The following TENM2 variants were observed in gnomAD, a reference collection of about 807,000 sequenced individuals.
TENM2 encodes the protein teneurin transmembrane protein 2.
Under a neutral mutation model 245.2 loss-of-function variants are expected in TENM2, and 52 were observed. That is an observed-to-expected ratio of 0.21 (90% CI 0.17 to 0.27). The LOEUF is 0.27. TENM2 is among the 10% of genes least tolerant of loss of function. TENM2 has a pLI of 1.00. For synonymous variants in TENM2, 1,363 were observed against 1,438.9 expected (o/e 0.95, Z 1.19); for missense variants, 3,046 against 3,666.8 (o/e 0.83, Z 4.37).
At chr5:167,579,854 G>A (rs886316319) in intron 2 of TENM2, among the ~76,000 whole-genome samples, 6 of 152,152 alleles carry the variant, frequency 3.9e-5, no homozygotes, top group African/African-American at 9.7e-5. Context: ...TCACGATCGC[G>A]TGTGCTGTAA....
intron 25 of TENM2, among the ~76,000 whole-genome samples, chr5:168,237,552 G>T (rs1160549033): frequency 6.6e-6 from 1 of 151,998 alleles, no homozygotes; most frequent in South Asian, 2.1e-4. Flanking sequence ...GTATGGTTTT[G>T]GTATGGCAAA....
intron 3 of TENM2, among the ~76,000 whole-genome samples, chr5:167,927,322 C>G (rs1274564899): frequency 1.3e-5 from 2 of 152,116 alleles, no homozygotes; most frequent in African/African-American, 4.8e-5. Context: ...ATACAAGGAG[C>G]CTTCTTCTTG....
chr5:168,243,896 G>A (rs140207162), intron 25 of TENM2, among the ~76,000 whole-genome samples: 1 of 149,114 alleles, frequency 6.7e-6, no homozygotes, highest in Non-Finnish European at 1.5e-5. Flanking sequence ...ATATTCTATT[G>A]CATATTGCAC....
At chr5:167,922,668 C>CCTCAGTCACTCTCT (rs1347518998) in intron 3 of TENM2, among the ~76,000 whole-genome samples, 1 of 152,216 alleles carries the variant, frequency 6.6e-6, no homozygotes. Flanking sequence ...TCCTGCTTCT[C>CCTCAGTCACTCTCT]CTCAGTCACT....
At chr5:167,355,047 A>G (rs1178123084) in intron 1 of TENM2, among the ~76,000 whole-genome samples, 1 of 152,184 alleles carries the variant, frequency 6.6e-6, no homozygotes, top group East Asian at 1.9e-4. Context: ...TTGTAATTGC[A>G]TATTTCTGTT....
At chr5:167,285,575 G>A (rs1177819214) in intron 1 of TENM2, among the ~76,000 whole-genome samples, 4 of 152,024 alleles carry the variant, frequency 2.6e-5, no homozygotes, top group Non-Finnish European at 5.9e-5. Flanking sequence ...TTTCTTTTGG[G>A]AGGAGAATAT....
At chr5:167,425,348 T>G (rs540137416) in intron 2 of TENM2, among the ~76,000 whole-genome samples, 4 of 152,152 alleles carry the variant, frequency 2.6e-5, no homozygotes, top group African/African-American at 4.8e-5. Context: ...ACAAGTATCT[T>G]GACCTTCTGG....
chr5:167,174,745 G>A, the TENM2 span, among the ~76,000 whole-genome samples: 2 of 151,956 alleles, frequency 1.3e-5, no homozygotes, highest in Non-Finnish European at 2.9e-5. Flanking sequence ...TCAACACGCT[G>A]TACATTAGGT....
intron 2 of TENM2, among the ~76,000 whole-genome samples, chr5:167,384,267 G>A (rs767160483): frequency 2.0e-5 from 3 of 152,136 alleles, no homozygotes; most frequent in Non-Finnish European, 4.4e-5. Flanking sequence ...CATTATATAT[G>A]TTAGCATACT....
intron 5 of TENM2, among the ~76,000 whole-genome samples, chr5:168,043,548 A>G (rs1788375150): frequency 6.6e-6 from 1 of 152,236 alleles, no homozygotes; most frequent in Admixed American, 6.5e-5. Flanking sequence ...CCTTAACCCA[A>G]TAAAACCTAA....
intron 2 of TENM2, among the ~76,000 whole-genome samples, chr5:167,492,310 G>A (rs1223407836): frequency 6.6e-6 from 1 of 152,050 alleles, no homozygotes; most frequent in Non-Finnish European, 1.5e-5. Flanking sequence ...ATGTCCTTGA[G>A]GAGGGCATAA....
At chr5:168,153,553 G>A (rs1756842483) in intron 12 of TENM2, among the ~76,000 whole-genome samples, 1 of 152,228 alleles carries the variant, frequency 6.6e-6, no homozygotes, top group Non-Finnish European at 1.5e-5. Flanking sequence ...ATCTGGAAAA[G>A]CCCACAAGAA....
intron 23 of TENM2, 45 bp from the exon 26 acceptor site, chr5:168,226,043 G>T: frequency 1.3e-6 from 2 of 1,560,702 alleles, no homozygotes; most frequent in South Asian, 2.4e-5. Context: ...CAGCCCCAAT[G>T]ACTGCTGCTA....
chr5:167,342,491 C>CAACTGTAA (rs1384268665), intron 1 of TENM2, among the ~76,000 whole-genome samples: 125 of 139,544 alleles, frequency 9.0e-4, no homozygotes, highest in African/African-American at 3.1e-3. Context: ...TCAGGTTTCT[C>CAACTGTAA]AACTGTAAAG....
At chr5:168,033,715 T>C in intron 5 of TENM2, among the ~76,000 whole-genome samples, 1 of 152,068 alleles carries the variant, frequency 6.6e-6, no homozygotes, top group African/African-American at 2.4e-5. Flanking sequence ...CTCAATGTGT[T>C]CATGCCTCAA....
At chr5:167,602,845 G>A (rs1013744698) in intron 2 of TENM2, among the ~76,000 whole-genome samples, 2 of 152,102 alleles carry the variant, frequency 1.3e-5, no homozygotes, top group Non-Finnish European at 2.9e-5. Context: ...TAGAGATAAA[G>A]GCTAAAAATA....
chr5:167,627,907 C>T (rs939504495), intron 2 of TENM2, among the ~76,000 whole-genome samples: 1 of 152,152 alleles, frequency 6.6e-6, no homozygotes, highest in Non-Finnish European at 1.5e-5. Flanking sequence ...ACAGAGAGAT[C>T]CACATTATTT....
chr5:167,785,622 T>A (rs1308278774), intron 2 of TENM2, among the ~76,000 whole-genome samples: 1 of 152,168 alleles, frequency 6.6e-6, no homozygotes, highest in African/African-American at 2.4e-5. Flanking sequence ...CTTCATAGGG[T>A]CCAGATGGTA....
rs568050884 is a variant in TENM2, at chr5:167,702,571, T to C, written c.503-173415T>C. Among the ~76,000 whole-genome samples the C allele has an allele frequency of 4.6e-4, 67 of 147,244 alleles. 1 individual carries two copies. Among genetic ancestry groups the C allele is most frequent in the Admixed American group, 8.8e-4 (13 of 14,696 alleles). On this transcript the variant is annotated intron_variant, in intron 2 of 28. Coordinates refer to ENST00000518659, the Ensembl canonical transcript of TENM2. ...GTGTGTGTATATATATATATATATATACATATATATATATATTTCTTTACA... is the reference window on the plus strand; with the variant it reads ...GTGTGTGTATATATATATATATATACACATATATATATATATTTCTTTACA...
Sources: gnomAD v4.1 joint callset for allele counts (sites outside exome capture counted in the v4.1 genomes callset) on GRCh38, gnomAD v4.1.1 for gene constraint, MANE v1.5 for transcripts, NCBI Gene and HGNC (gene_info 2026-07-23, HGNC 2026-07-21) for gene names.